CPEB2: variants seen among roughly 807,000 people sequenced by gnomAD.
The protein encoded by CPEB2 is cytoplasmic polyadenylation element binding protein 2.
A neutral mutation model predicts 93.6 loss-of-function variants in CPEB2; 56 were observed. The observed-to-expected ratio is 0.60, with a 90% CI of 0.48 to 0.75. The LOEUF is 0.75. CPEB2 is among the 30% of genes least tolerant of loss of function. The pLI is 0.00. For missense variants in CPEB2, 1,579 were observed against 1,395.1 expected, an observed-to-expected ratio of 1.13 and a Z score of -2.10; for synonymous variants, 764 against 586.3, an observed-to-expected ratio of 1.30 and a Z score of -4.38.
At chr4:15,039,971 C>T (rs544136688) in intron 5 of CPEB2, among the ~76,000 whole-genome samples, 156 of 152,106 alleles carry the variant, frequency 1.0e-3, no homozygotes, top group Non-Finnish European at 2.0e-3. Context: ...TCTTCTCAGT[C>T]ATCTGTGTCT....
rs770964468 is a variant in CPEB2 at position 15,069,197 on chromosome 4, A to G, written c.*2817A>G. 7 of 152,250 alleles carry G rather than the reference A, an allele frequency of 4.6e-5. No individual in the cohort carries two copies. The highest frequency in any genetic ancestry group is 1.0e-4 in the Non-Finnish European group (7 of 67,822). 9.4% of individuals were successfully genotyped at this position (152,250 alleles called of 1,614,324 possible). ...TAGCATTTATATATTTGTGTATGGA[A>G]AACACTTGATATTTTATCCCTGTTG... On this transcript the variant is annotated 3_prime_UTR_variant, in exon 12 of 12. Transcript: ENST00000538197.
At chr4:15,015,911 T>C (rs900497734) in intron 3 of CPEB2, among the ~76,000 whole-genome samples, 6 of 152,010 alleles carry the variant, frequency 3.9e-5, no homozygotes, top group African/African-American at 9.7e-5. Context: ...ATAAAAATTA[T>C]GTAAATGTGG....
chr4:15,048,732 T>C (rs1343030407), intron 6 of CPEB2, among the ~76,000 whole-genome samples: 1 of 152,102 alleles, frequency 6.6e-6, no homozygotes, highest in African/African-American at 2.4e-5. Flanking sequence ...TTTGCTGCAT[T>C]CCAGCAAAAT....
At chr4:15,014,866 T>G (rs1723932002) in intron 3 of CPEB2, among the ~76,000 whole-genome samples, 1 of 152,088 alleles carries the variant, frequency 6.6e-6, no homozygotes, top group African/African-American at 2.4e-5. Context: ...TGGAAATATC[T>G]GGATAGATTC....
chr4:15,028,286 G>T (rs1725694340), intron 4 of CPEB2, among the ~76,000 whole-genome samples: 1 of 150,808 alleles, frequency 6.6e-6, no homozygotes, highest in African/African-American at 2.4e-5. Flanking sequence ...ACTTCAATAT[G>T]TAAGAGATTT....
At chr4:15,031,120 G>A (rs1577410086) in intron 4 of CPEB2, among the ~76,000 whole-genome samples, 2 of 152,014 alleles carry the variant, frequency 1.3e-5, no homozygotes, top group African/African-American at 4.8e-5. Flanking sequence ...ATATTTTATT[G>A]AAATTGTATA....
At chr4:15,005,394 A>C (rs1722688801) in intron 1 of CPEB2, among the ~76,000 whole-genome samples, 1 of 152,192 alleles carries the variant, frequency 6.6e-6, no homozygotes, top group Admixed American at 6.5e-5. Context: ...ATATTGTGAA[A>C]TGACACTGGG....
intron 1 of CPEB2, 121 bp downstream of exon 1, chr4:15,004,456 A>C (rs1722506345): frequency 4.4e-6 from 3 of 675,072 alleles, no homozygotes; most frequent in East Asian, 3.5e-5. Flanking sequence ...GACGGGGGCC[A>C]CTCGCCCAAG....
intron 6 of CPEB2, among the ~76,000 whole-genome samples, chr4:15,051,052 A>G (rs1728174270): frequency 6.6e-6 from 1 of 152,112 alleles, no homozygotes; most frequent in Admixed American, 6.6e-5. Flanking sequence ...ATATCAGTTA[A>G]TGGTTTTATC....
chr4:15,043,512 C>G (rs1483858817), intron 6 of CPEB2, among the ~76,000 whole-genome samples: 1 of 151,992 alleles, frequency 6.6e-6, no homozygotes, highest in Non-Finnish European at 1.5e-5. Context: ...ATTTTTTATT[C>G]ATTGTTTCTT....
In CPEB2 at chr4:15,052,640, G is replaced by T; in HGVS notation, c.2371+56G>T. On this transcript the variant is annotated intron_variant, in intron 7 of 11. Transcript: ENST00000538197. The stretch of plus-strand genomic sequence containing the variant: ...ATTTGGGCTTTAACAAAAACAAAAA[G>T]ATATGAAATTTAATGTGAATGGACT... 1.7e-6 allele frequency: 2 copies of T among 1,200,874 alleles called. 1 individual carries two copies. Among genetic ancestry groups the T allele is most frequent in the South Asian group, 4.8e-5 (2 of 41,460 alleles). The allele number at this position is 1,200,874 out of a possible 1,614,324, so 74.4% of individuals were successfully genotyped here.
In CPEB2 at chr4:15,003,664, G is replaced by A. The variant is rs1360856011; in HGVS notation, c.991G>A (p.Gly331Arg). The A allele has an allele frequency of 1.4e-6, 2 of 1,469,972 alleles. No individual in the cohort carries two copies. The highest frequency in any genetic ancestry group is 1.8e-6 in the Non-Finnish European group (2 of 1,113,902). 91.1% of individuals were successfully genotyped at this position (1,469,972 alleles called of 1,614,324 possible). The stretch of plus-strand genomic sequence containing the variant: ...CAACAGTCCCAGTAACCTCCTGCCC[G>A]GAGGTGCGCTTGGCGCGGGCGCCTT... Reference protein sequence around the residue: ...LLNSPSNLLPGGALGAGAFSS... With the variant: ...LLNSPSNLLPRGALGAGAFSS... Residue 331 changes from glycine to arginine, a missense_variant, in exon 1 of 12, where the codon GGA (glycine) becomes AGA (arginine). Gly to Arg is a moderately radical substitution (Grantham distance 125, BLOSUM62 -2). This residue lies in a region of CPEB2 where 1,411 missense variants were observed against 1,056.0 expected (regional missense o/e 1.34). Transcript: ENST00000538197.
chr4:15,003,464 T>A lies in CPEB2; in HGVS notation c.791T>A (p.Leu264His). The change falls in exon 1 of 12, where the codon CTC becomes CAC. Residue 264 changes from leucine (L) to histidine (H), a missense_variant. Leu to His is a moderately conservative substitution (Grantham distance 99). Coordinates refer to ENST00000538197, the MANE Select transcript of CPEB2 (RefSeq NM_001177382.2). ...GCAGACCTGCCCCCGCTCCCGCAGC[T>A]CCCTCCCTCGCCGCCTGCAGCCCCG... ...RPADLPPLPQLPPSPPAAPRR... is the reference protein window; with the variant it reads ...RPADLPPLPQHPPSPPAAPRR... The A allele has an allele frequency of 7.2e-7, 1 of 1,384,608 alleles. No individual in the cohort carries two copies. Among genetic ancestry groups the A allele is most frequent in the African/African-American group, 1.5e-5 (1 of 65,612 alleles). The allele number at this position is 1,384,608 out of a possible 1,614,324, so 85.8% of individuals were successfully genotyped here.
chr4:15,034,686 A>G (rs1283512201), intron 5 of CPEB2, among the ~76,000 whole-genome samples: 1 of 152,130 alleles, frequency 6.6e-6, no homozygotes, highest in African/African-American at 2.4e-5. Flanking sequence ...TCCAAAGAGA[A>G]TTTTTTTTAA....
At chr4:15,050,651 C>G (rs1174361166) in intron 6 of CPEB2, among the ~76,000 whole-genome samples, 1 of 152,124 alleles carries the variant, frequency 6.6e-6, no homozygotes, top group Non-Finnish European at 1.5e-5. Flanking sequence ...ATCTTAATAT[C>G]TCACATTGTT....
chr4:15,057,459 A>G (rs1052488970), intron 8 of CPEB2, among the ~76,000 whole-genome samples: 2 of 152,152 alleles, frequency 1.3e-5, no homozygotes, highest in African/African-American at 4.8e-5. Context: ...ACAGACATAC[A>G]TGGCTTGCCT....
In CPEB2 at chr4:15,021,675, T is replaced by C. The variant is rs1387639851; in HGVS notation, c.2125+4397T>C. On this transcript the variant is annotated intron_variant, in intron 4 of 11. Transcript: ENST00000538197. ...GAAGATCTGTGTCAGTAAGTCGTAA[T>C]GCCTTTACCAGTGTTTCATGAGCAG... is the stretch of plus-strand genomic sequence containing the variant. Among the ~76,000 whole-genome samples the C allele has an allele frequency of 2.6e-5, 4 of 152,188 alleles. No individual in the cohort carries two copies. The South Asian group carries it at 6.2e-4, about 24-fold the overall frequency.
chr4:15,038,128 A>G (rs1165778134), intron 5 of CPEB2, among the ~76,000 whole-genome samples: 13 of 152,220 alleles, frequency 8.5e-5, no homozygotes, highest in Admixed American at 6.5e-5. Flanking sequence ...GTTGCCCAAA[A>G]AATAAGTAGA....
At chr4:15,056,568 G>A (rs1304460618) in intron 8 of CPEB2, among the ~76,000 whole-genome samples, 1 of 152,130 alleles carries the variant, frequency 6.6e-6, no homozygotes. Context: ...ACAGTTAAAT[G>A]TAGACATTTC....
Sources: allele counts gnomAD v4.1 joint callset (sites outside exome capture counted in the v4.1 genomes callset), GRCh38; gene constraint gnomAD v4.1.1; regional missense constraint gnomAD v4.1.1; transcripts MANE v1.5; gene names NCBI Gene and HGNC (gene_info 2026-07-23, HGNC 2026-07-21).